UBAP1: variants seen among roughly 807,000 people sequenced by gnomAD.
The protein encoded by UBAP1 is ubiquitin associated protein 1, also known as ubiquitin-associated protein 1.
In UBAP1, 5 loss-of-function variants were observed where a neutral mutation model predicts 39.0. That is an observed-to-expected ratio of 0.13 (90% CI 0.07 to 0.27). The LOEUF (loss-of-function observed/expected upper bound fraction) is 0.27, where lower values mean the gene tolerates loss of function less well. Among genes scored for constraint, UBAP1 ranks in the 10% least tolerant of loss-of-function variants. UBAP1 has a pLI of 1.00. For synonymous variants in UBAP1, 211 were observed against 225.1 expected, an observed-to-expected ratio of 0.94 and a Z score of 0.56; for missense variants, 490 against 608.1, an observed-to-expected ratio of 0.81 and a Z score of 2.04.
chr9:34,237,507 A>T (rs907292486), intron 3 of UBAP1, among the ~76,000 whole-genome samples: 1 of 152,184 alleles, frequency 6.6e-6, no homozygotes, highest in Non-Finnish European at 1.5e-5. Flanking sequence ...TTTGGGAGAA[A>T]AAAAATATTT....
intron 1 of UBAP1, among the ~76,000 whole-genome samples, chr9:34,198,989 T>C (rs967624194): frequency 5.9e-5 from 9 of 152,202 alleles, no homozygotes; most frequent in African/African-American, 1.9e-4. Context: ...TTCTTGTCTG[T>C]GGATAATTAC....
intron 2 of UBAP1, chr9:34,224,156 C>T: frequency 4.7e-6 from 3 of 644,390 alleles, no homozygotes; most frequent in South Asian, 2.4e-5. Flanking sequence ...CTTTTTTTTT[C>T]CTTTCATCGA....
chr9:34,184,345 C>G (rs1830260658), intron 1 of UBAP1, among the ~76,000 whole-genome samples: 1 of 151,110 alleles, frequency 6.6e-6, no homozygotes, highest in African/African-American at 2.4e-5. Flanking sequence ...GATAGTCTCG[C>G]TCTGGGCCGG....
At chr9:34,188,647 A>G (rs965355712) in intron 1 of UBAP1, among the ~76,000 whole-genome samples, 7 of 151,884 alleles carry the variant, frequency 4.6e-5, no homozygotes, top group Admixed American at 1.3e-4. Context: ...TTAGTAACCT[A>G]TTGGAAACTC....
At chr9:34,184,434 A>G (rs984769958) in intron 1 of UBAP1, among the ~76,000 whole-genome samples, 4 of 151,088 alleles carry the variant, frequency 2.6e-5, no homozygotes, top group Non-Finnish European at 5.9e-5. Context: ...GATCGAGACC[A>G]TCCTGGCTAA....
chr9:34,228,568 T>TC (rs1342830249), intron 2 of UBAP1, among the ~76,000 whole-genome samples: 7 of 95,472 alleles, frequency 7.3e-5, no homozygotes, highest in African/African-American at 2.5e-4. Context: ...CTTTCTTTGT[T>TC]TCCCCCCCCC....
At chr9:34,179,291 AG>A (rs1422281764) in intron 1 of UBAP1, 51 bp downstream of exon 1, 33 of 59,684 alleles carry the variant, frequency 5.5e-4, no homozygotes, top group Non-Finnish European at 8.6e-4. Context: ...GAGTTGGGGG[AG>A]GGGGGCTGGT....
At chr9:34,212,389 TAA>T (rs975726698) in intron 1 of UBAP1, among the ~76,000 whole-genome samples, 1 of 60,350 alleles carries the variant, frequency 1.7e-5, no homozygotes, top group African/African-American at 4.5e-5. Flanking sequence ...TCATTTCTAT[TAA>T]AACACACACA....
chr9:34,228,184 C>A (rs7045443), intron 2 of UBAP1, among the ~76,000 whole-genome samples: 1 of 151,674 alleles, frequency 6.6e-6, no homozygotes, highest in Non-Finnish European at 1.5e-5. Context: ...TTTGGGAGGC[C>A]GAGGTGGGCG....
intron 1 of UBAP1, among the ~76,000 whole-genome samples, chr9:34,202,497 A>G (rs1831430235): frequency 1.3e-5 from 2 of 152,002 alleles, no homozygotes; most frequent in Admixed American, 1.3e-4. Context: ...CTACCTTAGG[A>G]CAGTTGAAGG....
At chr9:34,191,301 T>A (rs1830706260) in intron 1 of UBAP1, among the ~76,000 whole-genome samples, 1 of 152,162 alleles carries the variant, frequency 6.6e-6, no homozygotes, top group South Asian at 2.1e-4. Context: ...GGGGTCTTGC[T>A]ATGTTCCCTG....
chr9:34,224,261 T>C (rs748299533), intron 2 of UBAP1: 34 of 479,102 alleles, frequency 7.1e-5, no homozygotes, highest in Non-Finnish European at 1.0e-4. Flanking sequence ...GGGTAGCGCA[T>C]AGTGGGACTC....
chr9:34,211,289 T>C (rs1356638740), intron 1 of UBAP1, among the ~76,000 whole-genome samples: 3 of 152,308 alleles, frequency 2.0e-5, no homozygotes, highest in South Asian at 4.1e-4. Context: ...GAATATATTA[T>C]AGCCTAATAT....
At chr9:34,249,023 C>T (rs1478377909) in intron 4 of UBAP1, among the ~76,000 whole-genome samples, 29 of 152,074 alleles carry the variant, frequency 1.9e-4, no homozygotes, top group African/African-American at 4.8e-5. Context: ...TACGCCTATC[C>T]GACTGGGGTT....
At chr9:34,188,768 C>A (rs924344497) in intron 1 of UBAP1, among the ~76,000 whole-genome samples, 5 of 151,978 alleles carry the variant, frequency 3.3e-5, no homozygotes, top group Non-Finnish European at 7.4e-5. Flanking sequence ...ACCAGCCTGG[C>A]CAACATGGTG....
intron 2 of UBAP1, among the ~76,000 whole-genome samples, chr9:34,222,345 C>A (rs548238302): frequency 2.2e-4 from 34 of 152,204 alleles, no homozygotes; most frequent in Non-Finnish European, 4.3e-4. Flanking sequence ...ACATAGATAA[C>A]CTGCCTGAGT....
intron 1 of UBAP1, among the ~76,000 whole-genome samples, chr9:34,187,409 A>G (rs1830463826): frequency 6.6e-6 from 1 of 152,202 alleles, no homozygotes; most frequent in African/African-American, 2.4e-5. Context: ...AGGGTTTTAA[A>G]AGGAGGTTGG....
rs957151189 is a variant in UBAP1 at position 34,246,586 on chromosome 9, G to C, written c.1084-3193G>C. On this transcript the variant is annotated intron_variant, in intron 4 of 6. Coordinates refer to ENST00000297661, the MANE Select transcript of UBAP1 (RefSeq NM_016525.5). ...GACCTCTCTGCAAGCTCACACTAATGTAATGTGATAAGTACTTTGCCAGCA... is the reference window on the plus strand; with the variant it reads ...GACCTCTCTGCAAGCTCACACTAATCTAATGTGATAAGTACTTTGCCAGCA... Among the ~76,000 whole-genome samples the C allele has an allele frequency of 2.0e-5, 3 of 152,380 alleles. No homozygotes were observed. In the Middle Eastern group the frequency reaches 0.01, roughly 518 times the overall value.
chr9:34,233,278 G>C (rs1404763551), intron 2 of UBAP1, among the ~76,000 whole-genome samples: 1 of 149,654 alleles, frequency 6.7e-6, no homozygotes, highest in Non-Finnish European at 1.5e-5. Flanking sequence ...CTGGAGTGCA[G>C]TGGCGCGATC....
Sources: allele counts gnomAD v4.1 joint callset (sites outside exome capture counted in the v4.1 genomes callset), GRCh38; gene constraint gnomAD v4.1.1; transcripts MANE v1.5; gene names NCBI Gene and HGNC (gene_info 2026-07-23, HGNC 2026-07-21).